DLG3: variants seen among roughly 807,000 people sequenced by gnomAD.
The protein encoded by DLG3 is disks large homolog 3.
DLG3 carries 1 observed loss-of-function variant against 64.1 expected under a neutral mutation model. That is an observed-to-expected ratio of 0.02 (90% confidence interval 0.01 to 0.07). The LOEUF is 0.07. DLG3 is among the 10% of genes least tolerant of loss of function. The pLI is 1.00. For missense variants in DLG3, 429 were observed against 669.5 expected (o/e 0.64, Z 3.96); for synonymous variants, 245 against 259.8 (o/e 0.94, Z 0.55).
chrX:70,472,231 A>G (rs752985421), intron 9 of DLG3, among the ~76,000 whole-genome samples: 1 of 111,876 alleles, frequency 8.9e-6, no homozygotes, highest in East Asian at 2.8e-4. Flanking sequence ...AATTAGGACC[A>G]GCTGGCAGAA....
intron 9 of DLG3, among the ~76,000 whole-genome samples, chrX:70,458,332 C>T (rs764437516): frequency 7.1e-5 from 8 of 112,508 alleles, no homozygotes; most frequent in African/African-American, 2.3e-4. Context: ...TCTTTTAATA[C>T]ATAAAAGGTG....
intron 1 of DLG3, chrX:70,448,671 G>T (rs1429840847): frequency 5.3e-6 from 6 of 1,129,477 alleles, no homozygotes; most frequent in African/African-American, 1.8e-5. Context: ...TCAGACAATT[G>T]ATCTGGGCTA....
intron 13 of DLG3, among the ~76,000 whole-genome samples, chrX:70,497,862 C>T (rs1253376387): frequency 8.9e-6 from 1 of 112,099 alleles, no homozygotes; most frequent in African/African-American, 3.2e-5. Flanking sequence ...GGACTGCCAT[C>T]AGCCACTTTG....
At chrX:70,489,501 C>G (rs1354388635) in intron 10 of DLG3, among the ~76,000 whole-genome samples, 1 of 110,956 alleles carries the variant, frequency 9.0e-6, no homozygotes, top group Non-Finnish European at 1.9e-5. Context: ...CGGGGTTTTG[C>G]TATGTTGGCC....
intron 1 of DLG3, among the ~76,000 whole-genome samples, chrX:70,446,750 A>AG (rs1763797677): frequency 1.8e-5 from 2 of 112,762 alleles, no homozygotes; most frequent in Admixed American, 9.3e-5. Flanking sequence ...CTGGCACGCA[A>AG]GGCGGAGGGC....
At chrX:70,460,626 T>G (rs1284751466) in intron 9 of DLG3, among the ~76,000 whole-genome samples, 1 of 112,583 alleles carries the variant, frequency 8.9e-6, no homozygotes, top group Non-Finnish European at 1.9e-5. Flanking sequence ...ATTCATTCAT[T>G]TAAGAGTATA....
At chrX:70,456,558 C>G (rs1198171455) in intron 9 of DLG3, among the ~76,000 whole-genome samples, 2 of 111,804 alleles carry the variant, frequency 1.8e-5, no homozygotes, top group Non-Finnish European at 3.8e-5. Context: ...TTATTGCTCT[C>G]TGAGCATATT....
intron 1 of DLG3, 112 bp downstream of exon 1, chrX:70,445,670 C>T: frequency 2.8e-6 from 2 of 714,619 alleles, no homozygotes; most frequent in South Asian, 2.5e-5. Flanking sequence ...CTGTGGACCC[C>T]GAGCCCTAGC....
intron 7 of DLG3, chrX:70,452,762 G>A (rs1438231963): frequency 1.7e-6 from 2 of 1,176,082 alleles, no homozygotes; most frequent in South Asian, 4.0e-5. Flanking sequence ...CCAGGTAGGA[G>A]TGGAGGGCTA....
intron 1 of DLG3, chrX:70,448,647 T>C: frequency 8.6e-7 from 1 of 1,158,269 alleles, no homozygotes; most frequent in Non-Finnish European, 1.2e-6. Flanking sequence ...AGTGCACCAC[T>C]GGCTGGCTCA....
chrX:70,452,069 T>A lies in DLG3; in HGVS notation c.1145+43T>A, dbSNP rs376667568. ...ACATCCCATTCAATCTACCCAGAAATTGGGGAGGGGAGGAATCCGTTTCTG... is the reference window on the plus strand; with the variant it reads ...ACATCCCATTCAATCTACCCAGAAAATGGGGAGGGGAGGAATCCGTTTCTG... On this transcript the variant is annotated intron_variant, in intron 7 of 18. Transcript: ENST00000374360. The A allele has an allele frequency of 1.3e-5, 15 of 1,195,975 alleles. No homozygotes were observed. The Admixed American group carries it at 2.0e-4, about 16-fold the overall frequency.
At chrX:70,491,159 C>T (rs938207879) in intron 10 of DLG3, among the ~76,000 whole-genome samples, 2 of 111,661 alleles carry the variant, frequency 1.8e-5, no homozygotes, top group East Asian at 2.8e-4. Context: ...GTGATCCACC[C>T]GCCTCAGCCT....
At chrX:70,460,910 A>T (rs1159736046) in intron 9 of DLG3, among the ~76,000 whole-genome samples, 4 of 112,328 alleles carry the variant, frequency 3.6e-5, no homozygotes, top group Non-Finnish European at 5.6e-5. Context: ...TCAATACTTC[A>T]TTCCTTTTTA....
intron 9 of DLG3, among the ~76,000 whole-genome samples, chrX:70,461,113 C>T (rs1353099259): frequency 8.9e-6 from 1 of 111,858 alleles, no homozygotes; most frequent in Admixed American, 9.5e-5. Context: ...CATTTGACAA[C>T]TCTGACCTTT....
intron 9 of DLG3, among the ~76,000 whole-genome samples, chrX:70,467,558 G>A (rs1361873839): frequency 8.9e-6 from 1 of 112,081 alleles, no homozygotes; most frequent in Non-Finnish European, 1.9e-5. Flanking sequence ...AGTTGAGTTT[G>A]TGATCCTGTG....
At chrX:70,452,884 C>A (rs1602875627) in intron 7 of DLG3, 2 of 669,397 alleles carry the variant, frequency 3.0e-6, no homozygotes, top group Non-Finnish European at 4.3e-6. Flanking sequence ...ATGCTTGTAA[C>A]AAGTGAAGGC....
intron 13 of DLG3, among the ~76,000 whole-genome samples, chrX:70,496,335 T>C (rs1037127788): frequency 1.8e-5 from 2 of 112,401 alleles, no homozygotes; most frequent in African/African-American, 6.5e-5. Context: ...TCTGGAACAG[T>C]GTGGTCTTGG....
Position 70,450,279 on chromosome X carries a change from C to T in DLG3, c.814C>T (p.Leu272=), listed in dbSNP as rs770784364. 12 of 1,191,002 alleles carry T rather than the reference C, an allele frequency of 1.0e-5. No homozygotes were observed. The highest frequency in any genetic ancestry group is 1.4e-5 in the Non-Finnish European group (12 of 885,459). Residue 272 remains leucine, a synonymous_variant, in exon 5 of 19, where the codon CTA becomes TTA. Coordinates refer to ENST00000374360, the MANE Select transcript of DLG3 (RefSeq NM_021120.4). Reference sequence around the variant, plus strand: ...GGGTGCTGCTCAGAAGGATGGACGCCTACAGATTGGGGACCGGCTGCTGGC... The same window carrying T: ...GGGTGCTGCTCAGAAGGATGGACGCTTACAGATTGGGGACCGGCTGCTGGC... ...EGGAAQKDGR[L]QIGDRLLAVN...
chrX:70,500,404 ACTGGATTTCTGCTTGGGAC>A, intron 16 of DLG3, 48 bp from the exon 17 acceptor site: 1 of 939,294 alleles, frequency 1.1e-6, no homozygotes, highest in South Asian at 2.0e-5. Context: ...TTAGAATGTC[ACTGGATTTCTGCTTGGGAC>A]TTGGTGAATA....
Sources: allele counts gnomAD v4.1 joint callset (sites outside exome capture counted in the v4.1 genomes callset), GRCh38; gene constraint gnomAD v4.1.1; transcripts MANE v1.5; gene names NCBI Gene and HGNC (gene_info 2026-07-23, HGNC 2026-07-21).